The following FNBP1 variants were observed in gnomAD, a reference collection of about 807,000 sequenced individuals.
FNBP1 encodes formin binding protein 1.
A neutral mutation model predicts 90.6 loss-of-function variants in FNBP1; 26 were observed. The ratio of observed to expected loss-of-function variants is 0.29; its 90% CI spans 0.21 to 0.40. FNBP1 has a LOEUF of 0.40. Ranked by LOEUF, FNBP1 falls within the 10% of genes least tolerant of loss-of-function variation. The pLI is 1.00. For synonymous variants in FNBP1, 260 were observed against 265.2 expected (o/e 0.98, Z 0.19); for missense variants, 635 against 768.0 (o/e 0.83, Z 2.05).
At position 129,900,010 on chromosome 9, in the gene FNBP1, G is replaced by T; in HGVS notation, c.1642C>A (p.Pro548Thr). 1 of 1,613,346 alleles carries T rather than the reference G, an allele frequency of 6.2e-7. No individual in the cohort carries two copies. Among genetic ancestry groups the T allele is most frequent in the Non-Finnish European group, 8.5e-7 (1 of 1,179,594 alleles). The change falls in exon 15 of 17, where the codon CCC becomes ACC. Residue 548 changes from proline (P) to threonine (T), a missense_variant. Pro to Thr is a conservative substitution (Grantham distance 38, BLOSUM62 -1). Coordinates refer to ENST00000446176, the MANE Select transcript of FNBP1 (RefSeq NM_015033.3). This position sits in a 1 kb window ranked among gnomAD's most constrained non-coding sequence, Gnocchi z 4.1. ...DFDDEFDDEE[P>T]LPAIGTCKAL... The stretch of plus-strand genomic sequence containing the variant: ...TTGCACGTCCCTATGGCAGGGAGGG[G>T]CTCCTCATCATCAAACTCGTCGTCA...
chr9:130,036,001 C>T (rs2132283687), intron 1 of FNBP1, among the ~76,000 whole-genome samples: 1 of 152,052 alleles, frequency 6.6e-6, no homozygotes, highest in African/African-American at 2.4e-5. Context: ...TAATATAATA[C>T]ACATATTTGG....
intron 1 of FNBP1, among the ~76,000 whole-genome samples, chr9:130,017,782 A>G (rs1042262232): frequency 6.6e-6 from 1 of 151,084 alleles, no homozygotes; most frequent in African/African-American, 2.4e-5. Context: ...GTGAGCTAAG[A>G]TCGCACTACT....
intron 2 of FNBP1, among the ~76,000 whole-genome samples, chr9:129,984,376 G>A (rs2051797564): frequency 6.6e-6 from 1 of 152,154 alleles, no homozygotes; most frequent in South Asian, 2.1e-4. Context: ...CTTAGAATGG[G>A]TGCTGACTCC....
At chr9:129,964,970 A>G (rs2048342487) in intron 4 of FNBP1, among the ~76,000 whole-genome samples, 1 of 152,214 alleles carries the variant, frequency 6.6e-6, no homozygotes, top group African/African-American at 2.4e-5. Flanking sequence ...ACAAAGAAAC[A>G]AAAAGACTTG....
the FNBP1 span, among the ~76,000 whole-genome samples, chr9:130,053,264 CA>C: frequency 5.3e-5 from 8 of 152,098 alleles, no homozygotes; most frequent in African/African-American, 1.9e-4. Flanking sequence ...GTGTGATTCC[CA>C]GCTCAACCTG....
chr9:129,917,028 T>G lies in FNBP1; in HGVS notation c.1171-1048A>C, dbSNP rs2040363197. ...ATCCACTGTGACTGCTCTTTTTTTT[T>G]TTGAGACAGGGTCTCACACTATCGC... On this transcript the variant is annotated intron_variant, in intron 10 of 16. Transcript: ENST00000446176. 2.0e-5 allele frequency among the ~76,000 whole-genome samples: 3 copies of G among 152,072 alleles called. 1 individual carries two copies. The South Asian group carries it at 6.2e-4, about 32-fold the overall frequency.
intron 16 of FNBP1, among the ~76,000 whole-genome samples, chr9:129,893,777 A>G (rs372328895): frequency 3.8e-4 from 58 of 151,148 alleles, no homozygotes; most frequent in South Asian, 1.3e-3. Flanking sequence ...TTAGCTGGGC[A>G]TGGTGGCACA....
At chr9:130,038,606 C>T (rs2059559513) in intron 1 of FNBP1, among the ~76,000 whole-genome samples, 1 of 151,830 alleles carries the variant, frequency 6.6e-6, no homozygotes, top group Admixed American at 6.6e-5. Flanking sequence ...CATCTTGGTC[C>T]GGCTGGTCTC....
At chr9:129,906,964 G>C (rs920996608) in intron 12 of FNBP1, among the ~76,000 whole-genome samples, 2 of 152,122 alleles carry the variant, frequency 1.3e-5, no homozygotes, top group African/African-American at 4.8e-5. Flanking sequence ...ATTTTTAGTA[G>C]AGATGGGGTT....
chr9:130,043,477 G>A (rs1251426983), upstream of FNBP1, among the ~76,000 whole-genome samples: 1 of 152,246 alleles, frequency 6.6e-6, no homozygotes, highest in Admixed American at 6.5e-5. Context: ...CTTGGAACGC[G>A]GCAGGCCCTG....
At chr9:129,934,984 A>G (rs1329219916) in intron 6 of FNBP1, among the ~76,000 whole-genome samples, 1 of 152,186 alleles carries the variant, frequency 6.6e-6, no homozygotes, top group Non-Finnish European at 1.5e-5. Flanking sequence ...AAAGAAAACA[A>G]TATTTTAGAA....
chr9:129,956,276 A>G (rs1217688890), intron 6 of FNBP1, among the ~76,000 whole-genome samples: 1 of 152,202 alleles, frequency 6.6e-6, no homozygotes, highest in African/African-American at 2.4e-5. Context: ...ATAATAGTTC[A>G]CACCATTTCC....
Position 129,888,871 on chromosome 9 carries a change from ACTTC to A in FNBP1, c.*1664_*1667del, listed in dbSNP as rs2034892799. 4.3e-6 allele frequency: 1 copy of A among 232,302 alleles called. No individual in the cohort carries two copies. Among genetic ancestry groups the A allele is most frequent in the African/African-American group, 2.2e-5 (1 of 45,264 alleles). 14.4% of individuals were successfully genotyped at this position (232,302 alleles called of 1,614,324 possible). A position where few individuals can be genotyped will look rare whatever the true frequency, so the allele number is the denominator to read the frequency against. The stretch of plus-strand genomic sequence containing the variant: ...TCCCTGTCCCTTTGGCTTCTATAGG[ACTTC>A]CTTGTCTTAGATTCATAAACAGCAA... On this transcript the variant is annotated 3_prime_UTR_variant, in exon 17 of 17. Coordinates refer to ENST00000446176, the MANE Select transcript of FNBP1 (RefSeq NM_015033.3).
chr9:129,894,688 C>T (rs2035457569), intron 16 of FNBP1, among the ~76,000 whole-genome samples: 2 of 152,366 alleles, frequency 1.3e-5, no homozygotes, highest in East Asian at 3.9e-4. Context: ...GAGGAAATCA[C>T]AGCCAAAAGG....
intron 6 of FNBP1, among the ~76,000 whole-genome samples, chr9:129,932,227 A>C (rs79517892): frequency 3.4e-3 from 13 of 3,770 alleles, no homozygotes; most frequent in African/African-American, 8.1e-3. Flanking sequence ...AAAAGAAAAG[A>C]AAAAAAAAGA....
intron 4 of FNBP1, among the ~76,000 whole-genome samples, chr9:129,964,802 T>C (rs1480645000): frequency 6.6e-6 from 1 of 151,020 alleles, no homozygotes; most frequent in Non-Finnish European, 1.5e-5. Context: ...TTTATATAGA[T>C]ATTAAACCAT....
chr9:130,038,183 T>G (rs1000124555), intron 1 of FNBP1, among the ~76,000 whole-genome samples: 5 of 151,426 alleles, frequency 3.3e-5, no homozygotes, highest in African/African-American at 7.3e-5. Context: ...TGAAACCCTG[T>G]CTCTACTAAA....
At chr9:129,936,201 A>G (rs549573242) in intron 6 of FNBP1, 1 of 152,220 alleles carries the variant, frequency 6.6e-6, no homozygotes, top group Non-Finnish European at 1.5e-5. Context: ...ACAACAGTCA[A>G]TGTTTTTTGG....
chr9:129,909,002 G>A lies in FNBP1; in HGVS notation c.1186-3C>T. 2 of 1,599,980 alleles carry A rather than the reference G, an allele frequency of 1.3e-6. No homozygotes were observed. Among genetic ancestry groups the A allele is most frequent in the Non-Finnish European group, 1.7e-6 (2 of 1,167,538 alleles). ...CTGAAATCCTCCGGTGTTGCACCCT[G>A]CAGACACAAATATAAATGAGAAACC... is the stretch of plus-strand genomic sequence containing the variant. On this transcript the variant is annotated splice_region_variant and splice_polypyrimidine_tract_variant and intron_variant, in intron 11 of 16. Transcript: ENST00000446176.
Sources: allele counts gnomAD v4.1 joint callset (sites outside exome capture counted in the v4.1 genomes callset), GRCh38; gene constraint gnomAD v4.1.1; non-coding constraint Gnocchi (gnomAD v3.1); transcripts MANE v1.5; gene names NCBI Gene and HGNC (gene_info 2026-07-23, HGNC 2026-07-21).